CNTNAP2: variants seen among roughly 807,000 people sequenced by gnomAD.
CNTNAP2 encodes contactin-associated protein-like 2.
Under a neutral mutation model 155.2 loss-of-function variants are expected in CNTNAP2, and 98 were observed. The ratio of observed to expected loss-of-function variants is 0.63; its 90% CI spans 0.54 to 0.75. CNTNAP2 has a LOEUF of 0.75. CNTNAP2 is among the 30% of genes least tolerant of loss of function. The pLI is 0.00. For missense variants in CNTNAP2, 1,727 were observed against 1,688.1 expected (o/e 1.02, Z -0.40); for synonymous variants, 651 against 631.2 (o/e 1.03, Z -0.47).
chr7:147,839,061 T>TC (rs1798679485), intron 13 of CNTNAP2, among the ~76,000 whole-genome samples: 1 of 152,124 alleles, frequency 6.6e-6, no homozygotes, highest in African/African-American at 2.4e-5. Flanking sequence ...GAACTTTGGG[T>TC]CCAATGTTCA....
intron 1 of CNTNAP2, among the ~76,000 whole-genome samples, chr7:146,439,484 A>G (rs1241661516): frequency 6.6e-6 from 1 of 151,254 alleles, no homozygotes; most frequent in Non-Finnish European, 1.5e-5. Flanking sequence ...CTGGTATTAT[A>G]TATGTTTATT....
chr7:148,277,772 T>C (rs1796899085), intron 21 of CNTNAP2, among the ~76,000 whole-genome samples: 1 of 150,186 alleles, frequency 6.7e-6, no homozygotes, highest in African/African-American at 2.5e-5. Context: ...CATAGTCTTC[T>C]AGGGCATTAA....
chr7:147,409,131 AG>A (rs1363320853), intron 10 of CNTNAP2, among the ~76,000 whole-genome samples: 1 of 152,238 alleles, frequency 6.6e-6, no homozygotes, highest in Non-Finnish European at 1.5e-5. Context: ...TCTACCGGTT[AG>A]GGTAAGATTT....
At chr7:147,980,021 ATTTG>A (rs981804717) in intron 15 of CNTNAP2, among the ~76,000 whole-genome samples, 26 of 152,190 alleles carry the variant, frequency 1.7e-4, no homozygotes, top group Non-Finnish European at 3.1e-4. Flanking sequence ...ATATTAGCTT[ATTTG>A]TTCTTAATAA....
intron 13 of CNTNAP2, among the ~76,000 whole-genome samples, chr7:147,725,090 A>G (rs552334504): frequency 1.3e-5 from 2 of 151,738 alleles, no homozygotes; most frequent in South Asian, 4.2e-4. Flanking sequence ...TACTTCCAAG[A>G]CTCTCCCACT....
At chr7:146,879,939 C>T (rs1284257730) in intron 3 of CNTNAP2, among the ~76,000 whole-genome samples, 3 of 151,912 alleles carry the variant, frequency 2.0e-5, no homozygotes, top group Admixed American at 1.3e-4. Context: ...TACATGGTGG[C>T]AGACAAGACA....
chr7:147,368,096 TCACACACACACACA>T (rs5888250), intron 9 of CNTNAP2, among the ~76,000 whole-genome samples: 1,391 of 117,172 alleles, frequency 0.012, 16 homozygotes, highest in Middle Eastern at 0.019. Flanking sequence ...TCTCTCTCTG[TCACACACACACACA>T]CACACACACA....
At chr7:146,174,069 G>A (rs569927291) in intron 1 of CNTNAP2, among the ~76,000 whole-genome samples, 2 of 152,112 alleles carry the variant, frequency 1.3e-5, no homozygotes, top group East Asian at 1.9e-4. Flanking sequence ...ACCAGAGATG[G>A]TTGTGCACAT....
At chr7:146,998,623 G>A (rs998779500) in intron 3 of CNTNAP2, among the ~76,000 whole-genome samples, 1 of 152,018 alleles carries the variant, frequency 6.6e-6, no homozygotes, top group Non-Finnish European at 1.5e-5. Flanking sequence ...ATTGCTGAAA[G>A]TGAGGTGATG....
At chr7:147,506,877 CT>C (rs1165039951) in intron 11 of CNTNAP2, among the ~76,000 whole-genome samples, 2 of 152,188 alleles carry the variant, frequency 1.3e-5, no homozygotes, top group Admixed American at 1.3e-4. Flanking sequence ...TTTAAAAGGT[CT>C]GGGGTTCTAG....
chr7:147,188,175 A>T (rs1460939549), intron 8 of CNTNAP2, among the ~76,000 whole-genome samples: 1 of 152,234 alleles, frequency 6.6e-6, no homozygotes, highest in African/African-American at 2.4e-5. Flanking sequence ...TTTATAAAAA[A>T]TAGAGTGTGA....
At chr7:147,218,453 T>C (rs964757898) in intron 8 of CNTNAP2, among the ~76,000 whole-genome samples, 4 of 152,048 alleles carry the variant, frequency 2.6e-5, no homozygotes, top group Non-Finnish European at 5.9e-5. Flanking sequence ...CTCCAAAATA[T>C]TTAAAAATAT....
intron 12 of CNTNAP2, among the ~76,000 whole-genome samples, chr7:147,625,280 A>G (rs967999657): frequency 3.9e-5 from 6 of 152,264 alleles, no homozygotes; most frequent in South Asian, 4.1e-4. Context: ...AACACAAAGC[A>G]TAAATGCTTG....
chr7:146,203,804 T>A (rs1798904012), intron 1 of CNTNAP2, among the ~76,000 whole-genome samples: 1 of 152,056 alleles, frequency 6.6e-6, no homozygotes. Flanking sequence ...TTTATTACTT[T>A]GAAGATTCCA....
intron 10 of CNTNAP2, among the ~76,000 whole-genome samples, chr7:147,421,830 G>C (rs1486870266): frequency 1.3e-5 from 2 of 151,976 alleles, no homozygotes. Context: ...TGGTCATTTA[G>C]AGGTGTGTGG....
chr7:147,196,792 G>A (rs1049485177), intron 8 of CNTNAP2, among the ~76,000 whole-genome samples: 4 of 152,154 alleles, frequency 2.6e-5, no homozygotes, highest in East Asian at 3.9e-4. Flanking sequence ...TGAATGACGC[G>A]AAAAATATAC....
chr7:146,817,053 T>C (rs1054349729), intron 2 of CNTNAP2, among the ~76,000 whole-genome samples: 4 of 152,058 alleles, frequency 2.6e-5, no homozygotes, highest in African/African-American at 9.7e-5. Flanking sequence ...AAATAAATGG[T>C]TAGAGTTGAT....
At chr7:146,933,657 C>G (rs1279043074) in intron 3 of CNTNAP2, among the ~76,000 whole-genome samples, 1 of 147,804 alleles carries the variant, frequency 6.8e-6, no homozygotes, top group African/African-American at 2.5e-5. Flanking sequence ...AGGCAACCTA[C>G]AAAATGGGAG....
At chr7:147,889,022 A>T (rs1483074159) in intron 13 of CNTNAP2, among the ~76,000 whole-genome samples, 1 of 152,184 alleles carries the variant, frequency 6.6e-6, no homozygotes, top group African/African-American at 2.4e-5. Context: ...TATGTAAGGA[A>T]CAGAAACAAG....
Sources: allele counts gnomAD v4.1 joint callset (sites outside exome capture counted in the v4.1 genomes callset), GRCh38; gene constraint gnomAD v4.1.1; transcripts MANE v1.5; gene names NCBI Gene and HGNC (gene_info 2026-07-23, HGNC 2026-07-21).